Variants in ARHGAP12 observed in about 807,000 individuals in gnomAD.
The protein encoded by ARHGAP12 is rho GTPase-activating protein 12.
ARHGAP12 carries 64 observed loss-of-function variants against 108.6 expected under a neutral mutation model. The ratio of observed to expected loss-of-function variants is 0.59; its 90% CI spans 0.48 to 0.73. The LOEUF (loss-of-function observed/expected upper bound fraction) is 0.73. ARHGAP12 is among the 30% of genes least tolerant of loss of function. The pLI is 0.00. For missense variants in ARHGAP12, 940 were observed against 1,005.9 expected, an observed-to-expected ratio of 0.93 and a Z score of 0.89; for synonymous variants, 312 against 337.2, an observed-to-expected ratio of 0.93 and a Z score of 0.82.
At chr10:31,858,618 CA>C (rs1020810496) in intron 4 of ARHGAP12, among the ~76,000 whole-genome samples, 1 of 152,064 alleles carries the variant, frequency 6.6e-6, no homozygotes, top group African/African-American at 2.4e-5. Context: ...TTGTGACAAC[CA>C]AAACAAGTCT....
rs59882437 is a variant in ARHGAP12 at position 31,901,213 on chromosome 10, CA to C, written c.684+6958del. ...TCTGGGTGACAGCAAGAATCCGTCT[CA>C]AAAAAAAAAAAAAGAGAAGAAAAGA... is the stretch of plus-strand genomic sequence containing the variant. On this transcript the variant is annotated intron_variant, in intron 3 of 19. Coordinates refer to ENST00000344936, the MANE Select transcript of ARHGAP12 (RefSeq NM_018287.7). 1.9e-3 allele frequency among the ~76,000 whole-genome samples: 225 copies of C among 118,324 alleles called. 1 individual carries two copies. The highest frequency in any genetic ancestry group is 3.3e-3 in the African/African-American group (105 of 32,240). The allele number at this position is 118,324 out of a possible 152,430, so 77.6% of individuals were successfully genotyped here.
intron 1 of ARHGAP12, among the ~76,000 whole-genome samples, chr10:31,911,141 A>C (rs1839328036): frequency 6.6e-6 from 1 of 152,120 alleles, no homozygotes; most frequent in Admixed American, 6.5e-5. Context: ...CTCCTGCCTC[A>C]GCCTTCCAAG....
At chr10:31,854,402 A>AT (rs1836811763) in intron 4 of ARHGAP12, among the ~76,000 whole-genome samples, 196 bp from the exon 5 acceptor site, 1 of 152,202 alleles carries the variant, frequency 6.6e-6, no homozygotes, top group Non-Finnish European at 1.5e-5. Context: ...AATAGTGGTT[A>AT]TTTTATCACA....
At chr10:31,911,753 G>A (rs573547775) in intron 1 of ARHGAP12, among the ~76,000 whole-genome samples, 3 of 152,272 alleles carry the variant, frequency 2.0e-5, no homozygotes, top group Admixed American at 6.5e-5. Flanking sequence ...CATACACAAT[G>A]TCACCTACGT....
intron 3 of ARHGAP12, among the ~76,000 whole-genome samples, chr10:31,889,657 C>T (rs1202385913): frequency 1.3e-4 from 15 of 111,990 alleles, no homozygotes; most frequent in Non-Finnish European, 2.0e-4. Context: ...GACAGGATCT[C>T]GCTCTGTCAT....
chr10:31,920,380 G>A (rs761226345), intron 1 of ARHGAP12, among the ~76,000 whole-genome samples: 10 of 144,362 alleles, frequency 6.9e-5, no homozygotes, highest in Non-Finnish European at 1.5e-4. Context: ...AACCCAGGAG[G>A]CAGAGGTTGC....
At chr10:31,834,668 C>T (rs1835946599) in intron 9 of ARHGAP12, among the ~76,000 whole-genome samples, 1 of 152,172 alleles carries the variant, frequency 6.6e-6, no homozygotes, top group Non-Finnish European at 1.5e-5. Context: ...GGAACCACAT[C>T]TGTTATGTTC....
At chr10:31,920,884 A>C (rs754200147) in intron 1 of ARHGAP12, among the ~76,000 whole-genome samples, 2 of 152,202 alleles carry the variant, frequency 1.3e-5, no homozygotes, top group African/African-American at 2.4e-5. Flanking sequence ...TTCTCCAATC[A>C]CAATAAAATT....
At chr10:31,844,570 G>A (rs1046853728) in intron 6 of ARHGAP12, among the ~76,000 whole-genome samples, 3 of 152,054 alleles carry the variant, frequency 2.0e-5, no homozygotes, top group African/African-American at 7.2e-5. Flanking sequence ...TCCCTCTCTG[G>A]TCACCCAGGC....
rs61561570 is a variant in ARHGAP12 at position 31,833,280 on chromosome 10, G to A, written c.1387-1480C>T. Among the ~76,000 whole-genome samples, 609 of 151,260 alleles carry A rather than the reference G, an allele frequency of 4.0e-3. 2 individuals carry two copies. Among genetic ancestry groups the A allele is most frequent in the African/African-American group, 0.014 (594 of 41,190 alleles). ...AGCTAGGGAACTCAGCAATTGGAAA[G>A]GCAGAGAGGTGGGAATTAAGCCCAT... On this transcript the variant is annotated intron_variant, in intron 9 of 19. Coordinates refer to ENST00000344936, the MANE Select transcript of ARHGAP12 (RefSeq NM_018287.7).
chr10:31,896,817 C>A (rs1838719153), intron 3 of ARHGAP12, among the ~76,000 whole-genome samples: 1 of 152,132 alleles, frequency 6.6e-6, no homozygotes, highest in African/African-American at 2.4e-5. Context: ...AAGATAAAAG[C>A]TGAACAAACT....
At chr10:31,828,989 T>C (rs990059262) in intron 10 of ARHGAP12, among the ~76,000 whole-genome samples, 1 of 151,994 alleles carries the variant, frequency 6.6e-6, no homozygotes, top group African/African-American at 2.4e-5. Context: ...CCGTCTCTAC[T>C]AAAAATACAA....
chr10:31,864,276 C>T (rs900415308), intron 3 of ARHGAP12, among the ~76,000 whole-genome samples: 4 of 151,866 alleles, frequency 2.6e-5, no homozygotes, highest in Non-Finnish European at 4.4e-5. Context: ...TAAGCAATGA[C>T]AAATTAGAAA....
At chr10:31,897,998 C>T (rs569307328) in intron 3 of ARHGAP12, among the ~76,000 whole-genome samples, 1 of 152,148 alleles carries the variant, frequency 6.6e-6, no homozygotes, top group South Asian at 2.1e-4. Context: ...TGTTTTTGAG[C>T]CTGCTGTCCC....
intron 9 of ARHGAP12, among the ~76,000 whole-genome samples, chr10:31,838,962 G>T (rs1836143156): frequency 1.3e-5 from 2 of 152,008 alleles, no homozygotes; most frequent in African/African-American, 4.8e-5. Context: ...GCTGCAGTGA[G>T]CTATGATGGT....
At chr10:31,810,791 T>C in intron 15 of ARHGAP12, 44 bp from the exon 16 acceptor site, 3 of 1,462,278 alleles carry the variant, frequency 2.1e-6, no homozygotes, top group Middle Eastern at 1.7e-4. Flanking sequence ...CTTGCTGAAA[T>C]TCAGTTCATG....
intron 3 of ARHGAP12, among the ~76,000 whole-genome samples, chr10:31,889,287 T>A (rs1838315727): frequency 6.6e-6 from 1 of 152,218 alleles, no homozygotes; most frequent in African/African-American, 2.4e-5. Flanking sequence ...CCTGGCAGTA[T>A]TAGCTAGCTA....
intron 1 of ARHGAP12, among the ~76,000 whole-genome samples, chr10:31,925,956 A>G (rs777679688): frequency 2.8e-4 from 43 of 152,206 alleles, no homozygotes; most frequent in Non-Finnish European, 4.9e-4. Context: ...ATATTCATTT[A>G]TTTCACTTTT....
chr10:31,877,305 T>C (rs1375863879), intron 3 of ARHGAP12, among the ~76,000 whole-genome samples: 2 of 152,210 alleles, frequency 1.3e-5, no homozygotes, highest in Non-Finnish European at 2.9e-5. Context: ...TTTTAGTAAA[T>C]ACACTAACAT....
Sources: gnomAD v4.1 joint callset for allele counts (sites outside exome capture counted in the v4.1 genomes callset) on GRCh38, gnomAD v4.1.1 for gene constraint, MANE v1.5 for transcripts, NCBI Gene and HGNC (gene_info 2026-07-23, HGNC 2026-07-21) for gene names.